The following ANKRD36C variants were observed in gnomAD, a reference collection of about 807,000 sequenced individuals.
ANKRD36C encodes ankyrin repeat domain-containing protein 36C.
Under a neutral mutation model 276.4 loss-of-function variants are expected in ANKRD36C, and 61 were observed. The ratio of observed to expected loss-of-function variants is 0.22; its 90% confidence interval spans 0.18 to 0.27. The LOEUF is 0.27. Among genes scored for constraint, ANKRD36C ranks in the 10% least tolerant of loss-of-function variants. The pLI is 1.00. For missense variants in ANKRD36C, 1,447 were observed against 2,032.3 expected (o/e 0.71, Z 5.54); for synonymous variants, 483 against 680.1 (o/e 0.71, Z 4.51).
downstream of ANKRD36C, among the ~76,000 whole-genome samples, chr2:95,849,475 G>A (rs1478623267): frequency 6.6e-6 from 1 of 152,214 alleles, no homozygotes; most frequent in African/African-American, 2.4e-5. Flanking sequence ...GCACCAGGCA[G>A]CAGTTTTGTG....
chr2:95,986,783 AAAG>A, exon 3 of ANKRD36C: 2 of 1,611,994 alleles, frequency 1.2e-6, no homozygotes, highest in Non-Finnish European at 8.5e-7. Context: ...GCACCATATG[AAAG>A]AAGTTTTTCT....
At chr2:95,893,142 C>G (rs1482029364) in intron 44 of ANKRD36C, among the ~76,000 whole-genome samples, 2 of 151,288 alleles carry the variant, frequency 1.3e-5, no homozygotes, top group African/African-American at 4.8e-5. Flanking sequence ...ACAGTGTGTA[C>G]GGGTTATTAC....
Position 95,920,344 on chromosome 2 carries a change from T to C in ANKRD36C, c.2245+1263A>G, listed in dbSNP as rs1168540429. On this transcript the variant is annotated intron_variant, in intron 34 of 66. Coordinates refer to ENST00000456556, the Ensembl canonical transcript of ANKRD36C. The stretch of plus-strand genomic sequence containing the variant: ...ATCATTATACTACAAACATTCATCA[T>C]GCTCTTTAACTTGCCCAATAACTGA... Among the ~76,000 whole-genome samples the C allele has an allele frequency of 1.4e-4, 19 of 132,280 alleles. 3 individuals carry two copies. Among genetic ancestry groups the C allele is most frequent in the Admixed American group, 4.8e-4 (6 of 12,610 alleles). 86.8% of individuals were successfully genotyped at this position (132,280 alleles called of 152,430 possible).
intron 58 of ANKRD36C, among the ~76,000 whole-genome samples, chr2:95,878,727 A>G (rs1676009173): frequency 6.6e-6 from 1 of 152,222 alleles, no homozygotes; most frequent in Admixed American, 6.5e-5. Flanking sequence ...GTCACTGATC[A>G]TCACAGAAAT....
chr2:95,986,606 A>T (rs1306589271), intron 3 of ANKRD36C, 145 bp downstream of exon 3: 1 of 1,122,328 alleles, frequency 8.9e-7, no homozygotes, highest in Non-Finnish European at 1.2e-6. Flanking sequence ...ATTTAAAGTA[A>T]AATCTTAGAC....
chr2:95,955,503 C>A (rs1678306053), intron 13 of ANKRD36C, among the ~76,000 whole-genome samples: 1 of 152,104 alleles, frequency 6.6e-6, no homozygotes, highest in African/African-American at 2.4e-5. Flanking sequence ...CTAAAACCCT[C>A]ATTTCTATCA....
chr2:95,983,679 C>T (rs1353666605), intron 3 of ANKRD36C, among the ~76,000 whole-genome samples: 3 of 151,732 alleles, frequency 2.0e-5, no homozygotes, highest in South Asian at 2.1e-4. Flanking sequence ...GGTGCCATCT[C>T]GGCTCACTGC....
At position 95,991,644 on chromosome 2, in the gene ANKRD36C, A is replaced by G. The variant is rs747616585; in HGVS notation, c.65T>C (p.Leu22Ser). Residue 22 changes from leucine to serine, a missense_variant, in exon 1 of 67, where the codon TTA becomes TCA. Around this residue, in one of 13 missense-constraint regions of ANKRD36C, gnomAD observed 59 missense variants for 73.3 expected, o/e 0.80. Coordinates refer to ENST00000456556, the Ensembl canonical transcript of ANKRD36C. ...CGGTTTAATGGGGTATTGGGGAAAT[A>G]AGAAGCCATCCGAGCACAAGCGGTC... 3 of 1,614,006 alleles carry G rather than the reference A, an allele frequency of 1.9e-6. No homozygotes were observed. In the South Asian group the frequency reaches 3.3e-5, roughly 18 times the overall value.
intron 3 of ANKRD36C, 29 bp downstream of exon 3, chr2:95,986,722 G>C: frequency 6.3e-7 from 1 of 1,578,742 alleles, no homozygotes; most frequent in Non-Finnish European, 8.6e-7. Flanking sequence ...ATTTCAGATA[G>C]TTTGAAAATA....
intron 6 of ANKRD36C, among the ~76,000 whole-genome samples, chr2:95,970,236 C>G (rs1377440885): frequency 6.6e-6 from 1 of 152,208 alleles, no homozygotes; most frequent in Non-Finnish European, 1.5e-5. Flanking sequence ...TGTCCTTACT[C>G]TCACTAATCC....
At chr2:95,983,248 G>A (rs1467857180) in intron 3 of ANKRD36C, among the ~76,000 whole-genome samples, 4 of 151,816 alleles carry the variant, frequency 2.6e-5, no homozygotes, top group Admixed American at 6.5e-5. Context: ...TAGGCTTCGA[G>A]TAAACTTTCA....
intron 14 of ANKRD36C, among the ~76,000 whole-genome samples, chr2:95,952,251 C>T (rs1367276597): frequency 6.6e-6 from 1 of 152,312 alleles, no homozygotes; most frequent in Non-Finnish European, 1.5e-5. Context: ...CCTAATAATA[C>T]TGGTTAGCAT....
rs1678263128 is a variant in ANKRD36C, at chr2:95,953,921, C to T, written c.1203+18G>A. The T allele has an allele frequency of 4.0e-6, 6 of 1,517,096 alleles. No individual in the cohort carries two copies. Among genetic ancestry groups the T allele is most frequent in the Non-Finnish European group, 5.3e-6 (6 of 1,139,104 alleles). The allele number at this position is 1,517,096 out of a possible 1,614,324, so 94.0% of individuals were successfully genotyped here. On this transcript the variant is annotated intron_variant, in intron 14 of 66. Transcript: ENST00000456556. ...AGATTCAGAGTGAGAAAATTAATTT[C>T]ACAAGAGAGTACTCTACCTCAGATT...
At chr2:95,917,983 T>C (rs1677153350) in intron 35 of ANKRD36C, 31 bp downstream of exon 37, 3 of 1,599,552 alleles carry the variant, frequency 1.9e-6, no homozygotes, top group East Asian at 2.3e-5. Flanking sequence ...GTATGTGTCA[T>C]AGAATACAAT....
In ANKRD36C at chr2:95,987,040, T is replaced by C. The variant is rs1679042317; in HGVS notation, c.312+52A>G. ...AATGAGATAAATTCATTTTATCCTA[T>C]GTACTTCAACCAAATCCATCTCATG... On this transcript the variant is annotated intron_variant, in intron 2 of 66. Transcript: ENST00000456556. 4.2e-6 allele frequency: 6 copies of C among 1,442,268 alleles called. No homozygotes were observed. The Admixed American group carries it at 6.2e-5, about 15-fold the overall frequency. The allele number at this position is 1,442,268 out of a possible 1,614,324, so 89.3% of individuals were successfully genotyped here.
chr2:95,990,434 T>C (rs1164441218), intron 1 of ANKRD36C, among the ~76,000 whole-genome samples: 1 of 152,208 alleles, frequency 6.6e-6, no homozygotes, highest in East Asian at 1.9e-4. Flanking sequence ...TTCTAACCTG[T>C]TCCATTCACT....
intron 17 of ANKRD36C, among the ~76,000 whole-genome samples, chr2:95,947,065 A>T (rs182680806): frequency 6.6e-6 from 1 of 152,036 alleles, no homozygotes; most frequent in African/African-American, 2.4e-5. Flanking sequence ...AAAAAGAGTA[A>T]TGTATGTCCT....
At chr2:95,902,132 T>A (rs1307315768) in intron 42 of ANKRD36C, among the ~76,000 whole-genome samples, 1 of 149,810 alleles carries the variant, frequency 6.7e-6, no homozygotes, top group Non-Finnish European at 1.5e-5. Context: ...GGTAGCTCCT[T>A]GAACAGGGAA....
chr2:95,966,338 T>G (rs1183288240), intron 6 of ANKRD36C, among the ~76,000 whole-genome samples: 1 of 138,840 alleles, frequency 7.2e-6, no homozygotes, highest in African/African-American at 2.5e-5. Flanking sequence ...TTGAGTTAAT[T>G]TTTGTATAAA....
Sources: gnomAD v4.1 joint callset for allele counts (sites outside exome capture counted in the v4.1 genomes callset) on GRCh38, gnomAD v4.1.1 for gene constraint, gnomAD v4.1.1 regional missense constraint, MANE v1.5 for transcripts, NCBI Gene and HGNC (gene_info 2026-07-23, HGNC 2026-07-21) for gene names.